Variants in FZR1 observed in about 807,000 individuals in gnomAD.
FZR1 encodes the protein fizzy and cell division cycle 20 related 1.
In FZR1, 11 loss-of-function variants were observed where a neutral mutation model predicts 63.6. The ratio of observed to expected loss-of-function variants is 0.17; its 90% CI spans 0.11 to 0.29. The LOEUF (loss-of-function observed/expected upper bound fraction) is 0.29, where lower values mean the gene tolerates loss of function less well. Ranked by LOEUF, FZR1 falls within the 10% of genes least tolerant of loss-of-function variation. FZR1 has a pLI of 1.00. For synonymous variants in FZR1, 328 were observed against 297.9 expected (o/e 1.10, Z -1.04); for missense variants, 440 against 687.5 (o/e 0.64, Z 4.03).
At chr19:3,532,370 G>GA (rs770154599) in intron 10 of FZR1, 47 bp from the exon 11 acceptor site, 1 of 1,463,368 alleles carries the variant, frequency 6.8e-7, no homozygotes, top group Non-Finnish European at 9.3e-7. Context: ...CGGCCTATGG[G>GA]ACCACAGGGC....
chr19:3,527,258 C>T (rs375317159), intron 6 of FZR1, among the ~76,000 whole-genome samples, 196 bp downstream of exon 6: 3 of 152,296 alleles, frequency 2.0e-5, no homozygotes, highest in South Asian at 2.1e-4. Flanking sequence ...GGGCCCCAGC[C>T]CCCCATGAGG....
rs1449723155 is a variant in FZR1, at chr19:3,536,342, A to G, written c.*1506A>G. 6.6e-6 allele frequency: 1 copy of G among 151,906 alleles called. No homozygotes were observed. Among genetic ancestry groups the G allele is most frequent in the African/African-American group, 2.4e-5 (1 of 41,330 alleles). The allele number at this position is 151,906 out of a possible 1,614,324, so 9.4% of individuals were successfully genotyped here. On this transcript the variant is annotated 3_prime_UTR_variant, in exon 14 of 14. Transcript: ENST00000441788. ...GGTCGATCTTCCACATTCACTGGAGAGACTCTCCCCACCTCTGTCTGGGTG... is the reference window on the plus strand; with the variant it reads ...GGTCGATCTTCCACATTCACTGGAGGGACTCTCCCCACCTCTGTCTGGGTG...
intron 1 of FZR1, among the ~76,000 whole-genome samples, chr19:3,510,343 CA>C (rs1294829556): frequency 6.6e-6 from 1 of 152,158 alleles, no homozygotes; most frequent in East Asian, 1.9e-4. Context: ...CCATGTTGCT[CA>C]GGCTGGCCTT....
At chr19:3,521,818 G>A (rs529098656) in intron 1 of FZR1, among the ~76,000 whole-genome samples, 3 of 151,382 alleles carry the variant, frequency 2.0e-5, no homozygotes, top group African/African-American at 4.9e-5. Flanking sequence ...ACACTTAAAC[G>A]TGTTCGAGAT....
At chr19:3,519,343 G>A (rs2083081832) in intron 1 of FZR1, among the ~76,000 whole-genome samples, 1 of 152,258 alleles carries the variant, frequency 6.6e-6, no homozygotes, top group African/African-American at 2.4e-5. Context: ...TACGTGGTGA[G>A]TCGCCTGCTG....
Position 3,528,720 on chromosome 19 carries a change from GGAGTGGATGGGT to G in FZR1, c.654+918_654+929del, listed in dbSNP as rs2083190337. 2.8e-5 allele frequency among the ~76,000 whole-genome samples: 3 copies of G among 107,060 alleles called. 1 individual carries two copies. Among genetic ancestry groups the G allele is most frequent in the South Asian group, 6.0e-4 (2 of 3,320 alleles). The allele number at this position is 107,060 out of a possible 152,430, so 70.2% of individuals were successfully genotyped here. A position where few individuals can be genotyped will look rare whatever the true frequency, so the allele number is the denominator to read the frequency against. On this transcript the variant is annotated intron_variant, in intron 7 of 13. Coordinates refer to ENST00000441788, the MANE Select transcript of FZR1 (RefSeq NM_016263.4). ...GAGAGTGGATGGGTGAGCAGATTAG[GGAGTGGATGGGT>G]GAGTGGATGGGAGAGTGGGTGGGTG...
In FZR1 at chr19:3,522,977, G is replaced by A. The variant is rs751026498; in HGVS notation, c.-13G>A. 1.3e-5 allele frequency: 21 copies of A among 1,605,262 alleles called. No homozygotes were observed. The highest frequency in any genetic ancestry group is 5.0e-5 in the Admixed American group (3 of 59,998). On this transcript the variant is annotated 5_prime_UTR_variant, in exon 2 of 14. Transcript: ENST00000441788. The stretch of plus-strand genomic sequence containing the variant: ...GCAGGCTAACCTTGCCGCGGGCCGA[G>A]CCCTGCCTCGCCATGGACCAGGACT...
At chr19:3,524,694 C>T (rs377325080) in intron 2 of FZR1, among the ~76,000 whole-genome samples, 4 of 152,230 alleles carry the variant, frequency 2.6e-5, no homozygotes, top group South Asian at 2.1e-4. Flanking sequence ...GGCAGGGCCA[C>T]GCTTCCTCTC....
chr19:3,532,920 GCTGC>G (rs1354598417), intron 11 of FZR1, among the ~76,000 whole-genome samples: 1 of 152,268 alleles, frequency 6.6e-6, no homozygotes, highest in Non-Finnish European at 1.5e-5. Context: ...AGCTCCTATG[GCTGC>G]CTCTGCTTAG....
At chr19:3,512,714 TG>T (rs1230346231) in intron 1 of FZR1, among the ~76,000 whole-genome samples, 2 of 152,154 alleles carry the variant, frequency 1.3e-5, no homozygotes, top group African/African-American at 2.4e-5. Flanking sequence ...TCTATGCAGC[TG>T]GCACGGCTGC....
chr19:3,530,964 G>GT lies in FZR1; in HGVS notation c.720+108dup. ...TCTAGTGCGTGGCCTGAGGTCGCCT[G>GT]TGTCCAAGCATAGGTCTGTGTCCCC... On this transcript the variant is annotated intron_variant, in intron 8 of 13. Transcript: ENST00000441788. 6.5e-6 allele frequency: 5 copies of GT among 770,072 alleles called. No individual in the cohort carries two copies. The South Asian group carries it at 8.2e-5, about 13-fold the overall frequency. 47.7% of individuals were successfully genotyped at this position (770,072 alleles called of 1,614,324 possible).
rs575400733 is a variant in FZR1, at chr19:3,525,648, T to C, written c.70-220T>C. ...TAGTAGAGACGAGGTTTCACAGTGT[T>C]AGCCAGGATGGTCTTGATCTCCTGA... On this transcript the variant is annotated intron_variant, in intron 2 of 13. Transcript: ENST00000441788. The surrounding 1 kb of genome is among the most constrained non-coding windows in gnomAD (Gnocchi z 4.2). Among the ~76,000 whole-genome samples, 25 of 152,166 alleles carry C rather than the reference T, an allele frequency of 1.6e-4. No individual in the cohort carries two copies. Among genetic ancestry groups the C allele is most frequent in the African/African-American group, 6.0e-4 (25 of 41,520 alleles).
chr19:3,522,946 C>G lies in FZR1; in HGVS notation c.-34-10C>G, dbSNP rs749520576. ...TGCCCCACTCACCTCTCCTGCCCTT[C>G]CCGCTGCAGGCTAACCTTGCCGCGG... On this transcript the variant is annotated splice_polypyrimidine_tract_variant and intron_variant, in intron 1 of 13. Transcript: ENST00000441788. The G allele has an allele frequency of 6.9e-7, 1 of 1,439,940 alleles. No individual in the cohort carries two copies. The highest frequency in any genetic ancestry group is 1.1e-5 in the South Asian group (1 of 87,604). The allele number at this position is 1,439,940 out of a possible 1,614,324, so 89.2% of individuals were successfully genotyped here. A position where few individuals can be genotyped will look rare whatever the true frequency, so the allele number is the denominator to read the frequency against.
At chr19:3,530,363 G>A (rs1451027926) in intron 7 of FZR1, among the ~76,000 whole-genome samples, 3 of 137,328 alleles carry the variant, frequency 2.2e-5, no homozygotes, top group East Asian at 2.0e-4. Flanking sequence ...AGGGAGAGCG[G>A]ATGGGAGAGC....
Position 3,526,831 on chromosome 19 carries a change from A to G in FZR1, c.388-149A>G, listed in dbSNP as rs2083163464. On this transcript the variant is annotated intron_variant, in intron 5 of 13. Coordinates refer to ENST00000441788, the MANE Select transcript of FZR1 (RefSeq NM_016263.4). This position sits in a 1 kb window ranked among gnomAD's most constrained non-coding sequence, Gnocchi z 5.4. ...TGGGGGGTCCGCAGTCCCCGCCAGG[A>G]AGGCGCCTGCCTTTTTACAGCTGCT... is the stretch of plus-strand genomic sequence containing the variant. 3 of 630,236 alleles carry G rather than the reference A, an allele frequency of 4.8e-6. No homozygotes were observed. The highest frequency in any genetic ancestry group is 8.5e-6 in the Non-Finnish European group (3 of 354,736). 39.0% of individuals were successfully genotyped at this position (630,236 alleles called of 1,614,324 possible).
chr19:3,532,645 G>A lies in FZR1; in HGVS notation c.1237G>A (p.Glu413Lys). 4 of 1,610,240 alleles carry A rather than the reference G, an allele frequency of 2.5e-6. No homozygotes were observed. The highest frequency in any genetic ancestry group is 3.4e-6 in the Non-Finnish European group (4 of 1,177,914). The change falls in exon 11 of 14, where the codon GAG becomes AAG. Residue 413 changes from glutamate to lysine, a missense_variant. Around this residue, in one of 5 missense-constraint regions of FZR1, gnomAD observed 208 missense variants for 363.6 expected, o/e 0.57. Coordinates refer to ENST00000441788, the MANE Select transcript of FZR1 (RefSeq NM_016263.4). ...CNLAWSKHAN[E>K]LVSTHGYSQN... ...TCTGGCCTGGTCCAAGCACGCCAACGAGCTGGTGAGCACGGGCGGCCCGGC... is the reference window on the plus strand; with the variant it reads ...TCTGGCCTGGTCCAAGCACGCCAACAAGCTGGTGAGCACGGGCGGCCCGGC...
Position 3,531,785 on chromosome 19 carries a change from G to C in FZR1, c.792G>C (p.Leu264=). 1 of 1,550,418 alleles carries C rather than the reference G, an allele frequency of 6.4e-7. No homozygotes were observed. The highest frequency in any genetic ancestry group is 8.7e-7 in the Non-Finnish European group (1 of 1,146,770). ...GGGACGCAGCCGCAGGGAAGAAGCT[G>C]TCCATGTTGGAGGGCCACACGGCAC... ...QIWDAAAGKK[L]SMLEGHTARV... Residue 264 remains leucine, a synonymous_variant, in exon 9 of 14, where the codon CTG becomes CTC. Coordinates refer to ENST00000441788, the MANE Select transcript of FZR1 (RefSeq NM_016263.4).
At chr19:3,528,386 C>T (rs1373126949) in intron 7 of FZR1, among the ~76,000 whole-genome samples, 1 of 152,246 alleles carries the variant, frequency 6.6e-6, no homozygotes, top group African/African-American at 2.4e-5. Flanking sequence ...CTATGAGCTG[C>T]TCCCGCTGGC....
chr19:3,510,530 G>C (rs1054147260), intron 1 of FZR1, among the ~76,000 whole-genome samples: 38 of 152,376 alleles, frequency 2.5e-4, no homozygotes, highest in African/African-American at 8.7e-4. Flanking sequence ...TCCCAGATCA[G>C]ATTTGGCCTG....
Sources: allele counts gnomAD v4.1 joint callset (sites outside exome capture counted in the v4.1 genomes callset), GRCh38; gene constraint gnomAD v4.1.1; regional missense constraint gnomAD v4.1.1; non-coding constraint Gnocchi (gnomAD v3.1); transcripts MANE v1.5; gene names NCBI Gene and HGNC (gene_info 2026-07-23, HGNC 2026-07-21).